Variants in BIRC7 observed in about 807,000 individuals in gnomAD.
BIRC7 encodes baculoviral IAP repeat containing 7, also known as baculoviral IAP repeat-containing protein 7.
BIRC7 carries 26 observed loss-of-function variants against 33.2 expected under a neutral mutation model. The ratio of observed to expected loss-of-function variants is 0.78; its 90% CI spans 0.57 to 1.09. The LOEUF is 1.09. Among genes scored for constraint, BIRC7 ranks in the 50% least tolerant of loss-of-function variants. BIRC7 has a pLI of 0.00. For synonymous variants in BIRC7, 176 were observed against 171.0 expected, an observed-to-expected ratio of 1.03 and a Z score of -0.23; for missense variants, 409 against 401.2, an observed-to-expected ratio of 1.02 and a Z score of -0.17.
intron 5 of BIRC7, 49 bp downstream of exon 5, chr20:63,239,282 A>G (rs1075556): frequency 0.47 from 751,383 of 1,607,910 alleles, 177,382 homozygotes; most frequent in East Asian, 0.54. Context: ...GGGAGGGCTG[A>G]GGGACCCCGA....
chr20:63,236,236 C>G lies in BIRC7; in HGVS notation c.140C>G (p.Ala47Gly), dbSNP rs922537324. The G allele has an allele frequency of 6.3e-7, 1 of 1,597,178 alleles. No homozygotes were observed. Among genetic ancestry groups the G allele is most frequent in the Non-Finnish European group, 8.5e-7 (1 of 1,171,496 alleles). ...SPVLGLDTCR[A>G]WDHVDGQILG... is the part of the protein sequence containing the mutation. ...GTCCTAGGCCTGGACACCTGCAGAG[C>G]CTGGGACCACGTGGATGGGCAGATC... The change falls in exon 1 of 7, where the codon GCC becomes GGC. Residue 47 changes from alanine (A) to glycine (G), a missense_variant. Transcript: ENST00000217169.
chr20:63,236,174 G>A lies in BIRC7; in HGVS notation c.78G>A (p.Thr26=), dbSNP rs778669825. ...PSHWAAGDGP[T]QERCGPRSLG... ...ACTGGGCAGCCGGTGATGGTCCCAC[G>A]CAGGAGCGCTGTGGACCCCGCTCTC... is the stretch of plus-strand genomic sequence containing the variant. The change falls in exon 1 of 7, where the codon ACG becomes ACA. Residue 26 remains threonine (T), a synonymous_variant. Coordinates refer to ENST00000217169, the MANE Select transcript of BIRC7 (RefSeq NM_139317.3). The A allele has an allele frequency of 1.9e-5, 31 of 1,590,684 alleles. No homozygotes were observed. In the Middle Eastern group the frequency reaches 5.0e-4, roughly 25 times the overall value.
chr20:63,236,369 G>A lies in BIRC7; in HGVS notation c.273G>A (p.Leu91=), dbSNP rs1392527953. Residue 91 remains leucine (L), a synonymous_variant, in exon 1 of 7, where the codon CTG becomes CTA. Coordinates refer to ENST00000217169, the MANE Select transcript of BIRC7 (RefSeq NM_139317.3). ...FPGMGSEELR[L]ASFYDWPLTA... is the part of the protein sequence containing the mutation. Reference sequence around the variant, plus strand: ...GCATGGGCTCTGAGGAGTTGCGTCTGGCCTCCTTCTATGACTGGCCGCTGA... The same window carrying A: ...GCATGGGCTCTGAGGAGTTGCGTCTAGCCTCCTTCTATGACTGGCCGCTGA... The A allele has an allele frequency of 3.1e-6, 5 of 1,589,118 alleles. No individual in the cohort carries two copies. In the South Asian group the frequency reaches 3.4e-5, roughly 11 times the overall value.
At position 63,240,246 on chromosome 20, in the gene BIRC7, C is replaced by T. The variant is rs1464335318; in HGVS notation, c.*6-10C>T. The stretch of plus-strand genomic sequence containing the variant: ...TGCCATTGACTCACCCACCCCTCCT[C>T]TCCCTCTAGGTGCCATGGCCGGCCA... On this transcript the variant is annotated splice_polypyrimidine_tract_variant and intron_variant, in intron 6 of 6. Transcript: ENST00000217169. The T allele has an allele frequency of 6.5e-6, 1 of 154,732 alleles. No homozygotes were observed. The highest frequency in any genetic ancestry group is 6.3e-5 in the Admixed American group (1 of 15,898). 9.6% of individuals were successfully genotyped at this position (154,732 alleles called of 1,614,324 possible).
chr20:63,238,281 G>A (rs772884973), intron 2 of BIRC7, 115 bp from the exon 3 acceptor site: 60 of 1,281,140 alleles, frequency 4.7e-5, no homozygotes, highest in Non-Finnish European at 6.4e-5. Context: ...CCATGCCCAC[G>A]GGCACTGCAG....
intron 2 of BIRC7, 21 bp downstream of exon 2, chr20:63,238,023 GC>G: frequency 6.4e-7 from 1 of 1,566,904 alleles, no homozygotes. Context: ...CCCCTGCGGG[GC>G]CCCGGGTCTG....
At chr20:63,236,759 TG>T (rs2066691808) in intron 1 of BIRC7, among the ~76,000 whole-genome samples, 1 of 152,166 alleles carries the variant, frequency 6.6e-6, no homozygotes. Flanking sequence ...TAGAAGTGGG[TG>T]GGGCTGACAT....
Position 63,239,283 on chromosome 20 carries a change from G to C in BIRC7, c.649+50G>C, listed in dbSNP as rs771535832. 13 of 1,607,976 alleles carry C rather than the reference G, an allele frequency of 8.1e-6. No homozygotes were observed. The South Asian group carries it at 1.3e-4, about 16-fold the overall frequency. ...GAGGGCTGGGGCAGGGGAGGGCTGA[G>C]GGACCCCGACCTTCCATGGCCCATA... On this transcript the variant is annotated intron_variant, in intron 5 of 6. Transcript: ENST00000217169.
chr20:63,238,325 C>CG (rs1329267506), intron 2 of BIRC7, 71 bp from the exon 3 acceptor site: 1 of 1,574,528 alleles, frequency 6.4e-7, no homozygotes, highest in Non-Finnish European at 8.7e-7. Flanking sequence ...CCCTGACCCC[C>CG]GGGGATCCAA....
At position 63,237,992 on chromosome 20, in the gene BIRC7, T is replaced by G; in HGVS notation, c.439T>G (p.Trp147Gly). 5 of 1,599,386 alleles carry G rather than the reference T, an allele frequency of 3.1e-6. No homozygotes were observed. The South Asian group carries it at 4.5e-5, about 14-fold the overall frequency. Residue 147 changes from tryptophan (W) to glycine (G), a missense_variant, in exon 2 of 7, where the codon TGG (tryptophan) becomes GGG (glycine). Trp to Gly is a radical substitution (Grantham distance 184). Coordinates refer to ENST00000217169, the MANE Select transcript of BIRC7 (RefSeq NM_139317.3). ...GDDPWTEHAK[W>G]FPSCQFLLRS... ...CGACCCCTGGACGGAGCATGCCAAG[T>G]GGTTCCCCAGGTACCGGCTGCCCCT...
At position 63,236,559 on chromosome 20, in the gene BIRC7, G is replaced by T. The variant is rs1219138396; in HGVS notation, c.349+114G>T. 4 of 1,379,434 alleles carry T rather than the reference G, an allele frequency of 2.9e-6. No individual in the cohort carries two copies. The African/African-American group carries it at 4.3e-5, about 15-fold the overall frequency. The allele number at this position is 1,379,434 out of a possible 1,614,324, so 85.4% of individuals were successfully genotyped here. A position where few individuals can be genotyped will look rare whatever the true frequency, so the allele number is the denominator to read the frequency against. ...TCCATCCCCCAACAGGAAGGGTCTGGCCTGATGACGGAGCAGTGGTCCTGC... is the reference window on the plus strand; with the variant it reads ...TCCATCCCCCAACAGGAAGGGTCTGTCCTGATGACGGAGCAGTGGTCCTGC... On this transcript the variant is annotated intron_variant, in intron 1 of 6. Coordinates refer to ENST00000217169, the MANE Select transcript of BIRC7 (RefSeq NM_139317.3).
Position 63,239,068 on chromosome 20 carries a change from C to T in BIRC7, c.578-94C>T. 2.2e-6 allele frequency: 3 copies of T among 1,334,962 alleles called. No homozygotes were observed. The South Asian group carries it at 3.6e-5, about 16-fold the overall frequency. 82.7% of individuals were successfully genotyped at this position (1,334,962 alleles called of 1,614,324 possible). A position where few individuals can be genotyped will look rare whatever the true frequency, so the allele number is the denominator to read the frequency against. On this transcript the variant is annotated intron_variant, in intron 4 of 6. Coordinates refer to ENST00000217169, the MANE Select transcript of BIRC7 (RefSeq NM_139317.3). ...ACTCTGCAGCCCCTCCACTCCCGGCCAGAACTGGACCCCACAGGCTGCAGA... is the reference window on the plus strand; with the variant it reads ...ACTCTGCAGCCCCTCCACTCCCGGCTAGAACTGGACCCCACAGGCTGCAGA...
At chr20:63,238,503 C>A in intron 3 of BIRC7, 26 bp downstream of exon 3, 1 of 1,612,970 alleles carries the variant, frequency 6.2e-7, no homozygotes, top group Non-Finnish European at 8.5e-7. Context: ...CCTCGGGGCT[C>A]CGGGTGGCAG....
chr20:63,238,302 G>A (rs1485190921), intron 2 of BIRC7, 94 bp from the exon 3 acceptor site: 3 of 1,454,766 alleles, frequency 2.1e-6, no homozygotes, highest in Non-Finnish European at 2.9e-6. Context: ...GGTGGCGGGA[G>A]GAGGGGGCCC....
intron 1 of BIRC7, among the ~76,000 whole-genome samples, 165 bp downstream of exon 1, chr20:63,236,610 G>A (rs1029706401): frequency 3.9e-5 from 6 of 152,198 alleles, no homozygotes; most frequent in Admixed American, 6.5e-5. Flanking sequence ...CCATGGGCTC[G>A]TGCCTGACAC....
chr20:63,236,996 T>C (rs9808612), intron 1 of BIRC7, among the ~76,000 whole-genome samples: 20,699 of 152,274 alleles, frequency 0.14, 1,910 homozygotes, highest in African/African-American at 0.27. Flanking sequence ...CCTGCTCCTC[T>C]GCCCTACAGC....
chr20:63,239,897 GGT>G (rs1363761083), intron 6 of BIRC7, among the ~76,000 whole-genome samples: 1 of 152,250 alleles, frequency 6.6e-6, no homozygotes, highest in Non-Finnish European at 1.5e-5. Flanking sequence ...TTTCCTCAGT[GGT>G]CAAGGAAAGC....
Position 63,239,546 on chromosome 20 carries a change from C to G in BIRC7, c.838C>G (p.Gln280Glu), listed in dbSNP as rs544808768. The G allele has an allele frequency of 6.2e-7, 1 of 1,603,606 alleles. No homozygotes were observed. The highest frequency in any genetic ancestry group is 2.2e-5 in the East Asian group (1 of 44,852). The part of the protein sequence containing the change: ...LVCAECAPGL[Q>E]LCPICRAPVR... ...CTGTGCTGAGTGTGCCCCCGGCCTG[C>G]AGCTGTGCCCCATCTGCAGAGCCCC... Residue 280 changes from glutamine (Q) to glutamate (E), a missense_variant, in exon 6 of 7, where the codon CAG becomes GAG. Transcript: ENST00000217169.
chr20:63,239,643 TCCTGCGGAGGGGGC>T (rs2066720853), intron 6 of BIRC7, 33 bp downstream of exon 6: 1 of 1,564,036 alleles, frequency 6.4e-7, no homozygotes, highest in Admixed American at 1.7e-5. Flanking sequence ...CAGCCAGCCC[TCCTGCGGAGGGGGC>T]CCTGAGCCGG....
Sources: gnomAD v4.1 joint callset for allele counts (sites outside exome capture counted in the v4.1 genomes callset) on GRCh38, gnomAD v4.1.1 for gene constraint, MANE v1.5 for transcripts, NCBI Gene and HGNC (gene_info 2026-07-23, HGNC 2026-07-21) for gene names.